The following INSC variants were observed in gnomAD, a reference collection of about 807,000 sequenced individuals.
INSC encodes the protein protein inscuteable homolog.
A neutral mutation model predicts 58.6 loss-of-function variants in INSC; 67 were observed. The ratio of observed to expected loss-of-function variants is 1.14; its 90% CI spans 0.94 to 1.40. The LOEUF (loss-of-function observed/expected upper bound fraction) is 1.40, where lower values mean the gene tolerates loss of function less well. Among genes scored for constraint, INSC ranks in the 40% most tolerant of loss-of-function variants. The pLI is 0.00. For synonymous variants in INSC, 262 were observed against 276.1 expected (o/e 0.95, Z 0.51); for missense variants, 714 against 692.0 (o/e 1.03, Z -0.36).
chr11:15,190,654 G>A (rs948811720), intron 5 of INSC, 47 bp from the exon 6 acceptor site: 20 of 1,277,492 alleles, frequency 1.6e-5, no homozygotes, highest in Non-Finnish European at 2.3e-5. Context: ...TGAGCAGAGG[G>A]TAGAGGTGGT....
chr11:15,198,073 C>T (rs1850437141), intron 6 of INSC, among the ~76,000 whole-genome samples: 1 of 152,130 alleles, frequency 6.6e-6, no homozygotes, highest in Non-Finnish European at 1.5e-5. Flanking sequence ...CTGTGGCTTT[C>T]TTCCTTCTCT....
intron 7 of INSC, among the ~76,000 whole-genome samples, chr11:15,214,689 T>C (rs1851147838): frequency 6.6e-6 from 1 of 152,234 alleles, no homozygotes; most frequent in Admixed American, 6.5e-5. Context: ...GTTCATATGC[T>C]GGAAACATAA....
At chr11:15,187,548 C>T (rs926418802) in intron 5 of INSC, among the ~76,000 whole-genome samples, 2 of 152,136 alleles carry the variant, frequency 1.3e-5, no homozygotes, top group Non-Finnish European at 2.9e-5. Flanking sequence ...TGAGAGTTTA[C>T]CTCCCTTCTG....
chr11:15,160,086 C>G (rs1848962934), intron 2 of INSC, among the ~76,000 whole-genome samples: 1 of 151,180 alleles, frequency 6.6e-6, no homozygotes, highest in African/African-American at 2.4e-5. Context: ...GACACAAGAT[C>G]TGCCCTGCAT....
intron 4 of INSC, 41 bp downstream of exon 4, chr11:15,177,204 A>C: frequency 6.5e-7 from 1 of 1,543,854 alleles, no homozygotes; most frequent in Non-Finnish European, 9.0e-7. Flanking sequence ...TGCCCACCCG[A>C]CCTCTGGCAG....
chr11:15,167,925 A>G (rs762311481), intron 2 of INSC, among the ~76,000 whole-genome samples: 13 of 152,036 alleles, frequency 8.6e-5, no homozygotes, highest in Non-Finnish European at 1.6e-4. Context: ...CAGCAATTAT[A>G]TCTTGGCGGC....
At chr11:15,156,913 A>G (rs1848834384) in intron 2 of INSC, among the ~76,000 whole-genome samples, 1 of 152,170 alleles carries the variant, frequency 6.6e-6, no homozygotes. Flanking sequence ...TCCCACCCCA[A>G]TTCCACCCTG....
chr11:15,189,618 A>G (rs1238984765), intron 5 of INSC, among the ~76,000 whole-genome samples: 2 of 152,202 alleles, frequency 1.3e-5, no homozygotes, highest in East Asian at 3.9e-4. Flanking sequence ...TGTCTTTTCC[A>G]TAATACTAGT....
At chr11:15,216,151 G>C (rs1851211100) in intron 7 of INSC, among the ~76,000 whole-genome samples, 2 of 152,112 alleles carry the variant, frequency 1.3e-5, no homozygotes, top group Non-Finnish European at 2.9e-5. Flanking sequence ...TATGCCAGTT[G>C]AGATGAATGC....
chr11:15,134,308 T>C (rs1218028859), intron 1 of INSC, among the ~76,000 whole-genome samples: 1 of 152,184 alleles, frequency 6.6e-6, no homozygotes. Context: ...CAAGATGCCA[T>C]TGACTGAAGC....
chr11:15,177,083 T>G, intron 3 of INSC, 28 bp from the exon 4 acceptor site: 1 of 1,602,986 alleles, frequency 6.2e-7, no homozygotes, highest in Non-Finnish European at 8.5e-7. Context: ...CTTACTGAGT[T>G]GAATAAAATG....
intron 7 of INSC, among the ~76,000 whole-genome samples, chr11:15,210,141 GGTA>G (rs1240783816): frequency 1.3e-5 from 2 of 152,220 alleles, no homozygotes; most frequent in Non-Finnish European, 2.9e-5. Flanking sequence ...ATGTTTCCTG[GGTA>G]AAGTTCAGCA....
At chr11:15,205,828 A>G (rs903896079) in intron 7 of INSC, among the ~76,000 whole-genome samples, 1 of 152,144 alleles carries the variant, frequency 6.6e-6, no homozygotes, top group Non-Finnish European at 1.5e-5. Context: ...ACCTGGGGAT[A>G]GCTGGTCCTT....
rs79973591 is a variant in INSC at position 15,186,663 on chromosome 11, T to C, written c.580-4038T>C. On this transcript the variant is annotated intron_variant, in intron 5 of 12. Transcript: ENST00000379556. ...CTAGATATAATTATTATTTTGTCTGTTTTCTCTTCAGTACATCCAATCTTT... is the reference window on the plus strand; with the variant it reads ...CTAGATATAATTATTATTTTGTCTGCTTTCTCTTCAGTACATCCAATCTTT... Among the ~76,000 whole-genome samples the C allele has an allele frequency of 9.9e-3, 1,501 of 152,312 alleles. 16 individuals are homozygous for C. The highest frequency in any genetic ancestry group is 0.017 in the Non-Finnish European group (1,134 of 68,022).
At chr11:15,146,295 C>T (rs1848489480) in intron 1 of INSC, among the ~76,000 whole-genome samples, 4 of 152,314 alleles carry the variant, frequency 2.6e-5, no homozygotes, top group Admixed American at 2.6e-4. Context: ...GACTCTTGAC[C>T]ATGCAGGTCT....
chr11:15,232,516 G>C (rs1540142), intron 9 of INSC, among the ~76,000 whole-genome samples: 150,885 of 152,314 alleles, frequency 0.99, 74,749 homozygotes, highest in East Asian at 1. Flanking sequence ...GCCTCAGCCT[G>C]TGGAGAAGCT....
downstream of INSC, among the ~76,000 whole-genome samples, chr11:15,249,222 G>C (rs1431715916): frequency 6.6e-6 from 1 of 152,188 alleles, no homozygotes; most frequent in Non-Finnish European, 1.5e-5. Context: ...GATTGGATCT[G>C]GGTAAGGTTA....
At chr11:15,216,408 C>T (rs1037001420) in intron 7 of INSC, among the ~76,000 whole-genome samples, 3 of 152,204 alleles carry the variant, frequency 2.0e-5, no homozygotes, top group Admixed American at 6.5e-5. Flanking sequence ...CTCACTTTCT[C>T]TCTGTCTCAC....
At chr11:15,142,594 T>C (rs1848396641) in intron 1 of INSC, among the ~76,000 whole-genome samples, 1 of 152,168 alleles carries the variant, frequency 6.6e-6, no homozygotes, top group Non-Finnish European at 1.5e-5. Context: ...ATTCCCTTGG[T>C]TACCTGTCAT....
Sources: gnomAD v4.1 joint callset for allele counts (sites outside exome capture counted in the v4.1 genomes callset) on GRCh38, gnomAD v4.1.1 for gene constraint, MANE v1.5 for transcripts, NCBI Gene and HGNC (gene_info 2026-07-23, HGNC 2026-07-21) for gene names.